CDH12: variants seen among roughly 807,000 people sequenced by gnomAD.
CDH12 encodes cadherin 12.
CDH12 carries 41 observed loss-of-function variants against 74.1 expected under a neutral mutation model. The observed-to-expected ratio is 0.55, with a 90% CI of 0.43 to 0.72. The LOEUF is 0.72. Among genes scored for constraint, CDH12 ranks in the 30% least tolerant of loss-of-function variants. CDH12 has a pLI of 0.00. For synonymous variants in CDH12, 399 were observed against 355.0 expected, an observed-to-expected ratio of 1.12 and a Z score of -1.39; for missense variants, 945 against 977.2, an observed-to-expected ratio of 0.97 and a Z score of 0.44.
intron 1 of CDH12, among the ~76,000 whole-genome samples, chr5:22,812,082 T>C (rs1005326084): frequency 1.2e-4 from 18 of 152,138 alleles, no homozygotes; most frequent in African/African-American, 4.1e-4. Context: ...GACTCAGCTT[T>C]CATCAGGATA....
At chr5:22,376,309 G>T (rs968902689) in intron 3 of CDH12, among the ~76,000 whole-genome samples, 1 of 152,006 alleles carries the variant, frequency 6.6e-6, no homozygotes, top group Non-Finnish European at 1.5e-5. Context: ...GTTTGTGTCT[G>T]GGAGGGAGGA....
At chr5:21,851,296 C>T (rs1407924467) in intron 7 of CDH12, among the ~76,000 whole-genome samples, 1 of 150,908 alleles carries the variant, frequency 6.6e-6, no homozygotes, top group Non-Finnish European at 1.5e-5. Context: ...ATCATTTATA[C>T]TAATATTTGT....
intron 3 of CDH12, among the ~76,000 whole-genome samples, chr5:22,356,343 TGCA>T (rs1193136107): frequency 6.6e-6 from 1 of 152,226 alleles, no homozygotes; most frequent in Non-Finnish European, 1.5e-5. Context: ...GGTTTTATTA[TGCA>T]GCTTATCTGA....
chr5:21,781,872 G>C (rs1335571131), intron 11 of CDH12, among the ~76,000 whole-genome samples: 1 of 152,170 alleles, frequency 6.6e-6, no homozygotes, highest in Non-Finnish European at 1.5e-5. Context: ...TTCTGATTAT[G>C]TCTTTGAGTT....
intron 2 of CDH12, among the ~76,000 whole-genome samples, chr5:22,464,615 C>A (rs1482617219): frequency 6.6e-6 from 1 of 152,202 alleles, no homozygotes; most frequent in Non-Finnish European, 1.5e-5. Flanking sequence ...AAAGTTCCCC[C>A]ATTTCTCTGA....
At chr5:22,830,091 G>A (rs1434861599) in intron 1 of CDH12, among the ~76,000 whole-genome samples, 1 of 152,100 alleles carries the variant, frequency 6.6e-6, no homozygotes, top group Admixed American at 6.6e-5. Flanking sequence ...GCTATAAAAT[G>A]AATGTCTTCC....
intron 1 of CDH12, among the ~76,000 whole-genome samples, chr5:22,779,635 T>C (rs552156488): frequency 2.5e-4 from 38 of 152,270 alleles, no homozygotes; most frequent in Admixed American, 2.4e-3. Context: ...CATGCCGGTC[T>C]TGTGATAGTG....
intron 4 of CDH12, among the ~76,000 whole-genome samples, chr5:22,196,801 T>A (rs994367248): frequency 6.6e-6 from 1 of 152,166 alleles, no homozygotes; most frequent in Non-Finnish European, 1.5e-5. Flanking sequence ...CTTTGGGACA[T>A]CACTGTAGCT....
intron 3 of CDH12, among the ~76,000 whole-genome samples, chr5:22,382,988 G>A (rs1228687693): frequency 1.3e-5 from 2 of 152,006 alleles, no homozygotes; most frequent in African/African-American, 2.4e-5. Flanking sequence ...GCGCCGCTAC[G>A]CCCAGCACAT....
intron 6 of CDH12, among the ~76,000 whole-genome samples, chr5:21,893,136 A>G (rs538321736): frequency 1.3e-5 from 2 of 152,222 alleles, no homozygotes; most frequent in South Asian, 2.1e-4. Context: ...CAGTTATCTC[A>G]TTTGTACCGC....
intron 3 of CDH12, among the ~76,000 whole-genome samples, chr5:22,284,957 A>AT (rs1436254723): frequency 2.0e-5 from 3 of 151,828 alleles, no homozygotes; most frequent in Non-Finnish European, 4.4e-5. Flanking sequence ...AATGAAAAAA[A>AT]AAAAAGCATT....
intron 6 of CDH12, among the ~76,000 whole-genome samples, chr5:21,935,019 T>A (rs933601124): frequency 6.6e-6 from 1 of 152,048 alleles, no homozygotes; most frequent in Non-Finnish European, 1.5e-5. Context: ...ATCTCCTGAC[T>A]TCGTGATCCG....
intron 4 of CDH12, among the ~76,000 whole-genome samples, chr5:22,103,243 G>A (rs574823752): frequency 3.8e-4 from 58 of 152,208 alleles, no homozygotes; most frequent in Non-Finnish European, 5.4e-4. Context: ...TTATGATGAC[G>A]ATGATGATGA....
chr5:21,894,382 GA>G (rs376989106), intron 6 of CDH12, among the ~76,000 whole-genome samples: 3,658 of 73,434 alleles, frequency 0.05, 96 homozygotes, highest in African/African-American at 0.14. Context: ...CCGTCTCAAA[GA>G]AAAAAAAAAA....
At chr5:22,762,119 A>G (rs2127057391) in intron 1 of CDH12, among the ~76,000 whole-genome samples, 1 of 152,234 alleles carries the variant, frequency 6.6e-6, no homozygotes, top group South Asian at 2.1e-4. Flanking sequence ...CAAAGTCTAA[A>G]ACCTAACCTA....
intron 1 of CDH12, among the ~76,000 whole-genome samples, chr5:22,682,838 C>A (rs540919440): frequency 1.3e-5 from 2 of 152,030 alleles, no homozygotes; most frequent in East Asian, 3.9e-4. Context: ...CTATTACTAA[C>A]TTGTCATTGA....
At chr5:22,166,315 T>C (rs906214353) in intron 4 of CDH12, among the ~76,000 whole-genome samples, 2 of 152,218 alleles carry the variant, frequency 1.3e-5, no homozygotes, top group Non-Finnish European at 2.9e-5. Context: ...AAGTATTTTT[T>C]AATGAATATC....
At chr5:22,602,549 G>C (rs1481244763) in intron 1 of CDH12, among the ~76,000 whole-genome samples, 1 of 152,030 alleles carries the variant, frequency 6.6e-6, no homozygotes, top group African/African-American at 2.4e-5. Flanking sequence ...CGTATAGAAT[G>C]AAACCATAAA....
chr5:21,922,584 C>G (rs191735255), intron 6 of CDH12, among the ~76,000 whole-genome samples: 1 of 151,994 alleles, frequency 6.6e-6, no homozygotes, highest in Non-Finnish European at 1.5e-5. Context: ...GTAGATGATA[C>G]GAACATAATT....
Sources: gnomAD v4.1 joint callset for allele counts (sites outside exome capture counted in the v4.1 genomes callset) on GRCh38, gnomAD v4.1.1 for gene constraint, MANE v1.5 for transcripts, NCBI Gene and HGNC (gene_info 2026-07-23, HGNC 2026-07-21) for gene names.